The following SEMA6D variants were observed in gnomAD, a reference collection of about 807,000 sequenced individuals.
SEMA6D encodes semaphorin-6D.
In SEMA6D, 35 loss-of-function variants were observed where a neutral mutation model predicts 106.6. That is an observed-to-expected ratio of 0.33 (90% CI 0.25 to 0.44). The LOEUF is 0.44. SEMA6D is among the 20% of genes least tolerant of loss of function. The pLI is 1.00. For synonymous variants in SEMA6D, 499 were observed against 487.7 expected, an observed-to-expected ratio of 1.02 and a Z score of -0.31; for missense variants, 1,185 against 1,345.9, an observed-to-expected ratio of 0.88 and a Z score of 1.87.
chr15:47,290,483 TG>T (rs1195981639), intron 1 of SEMA6D, among the ~76,000 whole-genome samples: 1 of 152,150 alleles, frequency 6.6e-6, no homozygotes, highest in African/African-American at 2.4e-5. Flanking sequence ...GAAACAGACA[TG>T]TTTTTTAATA....
At chr15:47,546,367 C>G (rs546897415) in intron 3 of SEMA6D, among the ~76,000 whole-genome samples, 1 of 152,210 alleles carries the variant, frequency 6.6e-6, no homozygotes, top group East Asian at 1.9e-4. Flanking sequence ...CACTGGGACT[C>G]TAATTTAAAT....
chr15:47,380,737 T>C (rs1327881851), intron 1 of SEMA6D: 1 of 152,252 alleles, frequency 6.6e-6, no homozygotes, highest in African/African-American at 2.4e-5. Context: ...ACATGTGGAA[T>C]GTCTCATTAC....
chr15:47,684,755 G>T (rs942548020), intron 4 of SEMA6D, among the ~76,000 whole-genome samples: 1 of 152,140 alleles, frequency 6.6e-6, no homozygotes, highest in East Asian at 1.9e-4. Flanking sequence ...TTAAAAATGT[G>T]TGTGAATTGG....
intron 2 of SEMA6D, among the ~76,000 whole-genome samples, chr15:47,459,875 A>G: frequency 6.6e-6 from 1 of 151,992 alleles, no homozygotes; most frequent in Non-Finnish European, 1.5e-5. Context: ...AATATACTGT[A>G]TTTGGTTCTT....
intron 3 of SEMA6D, among the ~76,000 whole-genome samples, chr15:47,594,155 T>C (rs2076494686): frequency 6.6e-6 from 1 of 152,200 alleles, no homozygotes; most frequent in African/African-American, 2.4e-5. Context: ...TGAAAGATAA[T>C]ATTTGTTTCT....
At chr15:47,189,111 T>C (rs564863538) in intron 1 of SEMA6D, among the ~76,000 whole-genome samples, 1 of 152,298 alleles carries the variant, frequency 6.6e-6, no homozygotes, top group East Asian at 1.9e-4. Flanking sequence ...GAAAAAGTTA[T>C]TGTGATTCCA....
At chr15:47,425,679 T>G (rs912503598) in intron 2 of SEMA6D, among the ~76,000 whole-genome samples, 1 of 151,786 alleles carries the variant, frequency 6.6e-6, no homozygotes, top group Non-Finnish European at 1.5e-5. Context: ...TTTCTTTTTT[T>G]TTTTTTTTTG....
rs369035331 is a variant in SEMA6D, at chr15:47,243,612, G to A, written c.-239+59194G>A. Among the ~76,000 whole-genome samples, 302 of 152,200 alleles carry A rather than the reference G, an allele frequency of 2.0e-3. 2 individuals carry two copies. The highest frequency in any genetic ancestry group is 6.9e-3 in the African/African-American group (286 of 41,572). On this transcript the variant is annotated intron_variant, in intron 1 of 19. Transcript: ENST00000558014. Reference sequence around the variant, plus strand: ...GGATTTAAGACATACCAGGAAATAAGAAAAAGTGGCAGAAAGTGTTTTTAC... The same window carrying A: ...GGATTTAAGACATACCAGGAAATAAAAAAAAGTGGCAGAAAGTGTTTTTAC...
At chr15:47,484,341 T>C (rs999674136) in intron 3 of SEMA6D, among the ~76,000 whole-genome samples, 1 of 152,120 alleles carries the variant, frequency 6.6e-6, no homozygotes, top group Admixed American at 6.6e-5. Flanking sequence ...CCATTAAATA[T>C]CCCTGCCTCA....
chr15:47,239,816 T>G (rs2032792496), intron 1 of SEMA6D, among the ~76,000 whole-genome samples: 1 of 152,192 alleles, frequency 6.6e-6, no homozygotes, highest in South Asian at 2.1e-4. Flanking sequence ...ACGAGTAGTA[T>G]GTGATCAAGG....
At chr15:47,289,047 T>C (rs568613612) in intron 1 of SEMA6D, among the ~76,000 whole-genome samples, 3 of 152,162 alleles carry the variant, frequency 2.0e-5, no homozygotes, top group African/African-American at 7.2e-5. Flanking sequence ...AAGGTGAAGA[T>C]TAAATGAGAC....
chr15:47,399,421 T>G (rs1271330578), intron 1 of SEMA6D: 1 of 152,250 alleles, frequency 6.6e-6, no homozygotes, highest in African/African-American at 2.4e-5. Flanking sequence ...CAGGGCTTGA[T>G]AAGTGTACAT....
chr15:47,449,451 A>G (rs1265898756), intron 2 of SEMA6D, among the ~76,000 whole-genome samples: 1 of 152,086 alleles, frequency 6.6e-6, no homozygotes, highest in Non-Finnish European at 1.5e-5. Flanking sequence ...GGCTATCTGC[A>G]TCTGAAGGCA....
intron 1 of SEMA6D, among the ~76,000 whole-genome samples, chr15:47,751,876 TA>T (rs2081457677): frequency 6.6e-6 from 1 of 152,062 alleles, no homozygotes; most frequent in Non-Finnish European, 1.5e-5. Context: ...CCCTATTTTC[TA>T]AAAAATTAGG....
chr15:47,343,759 TG>T (rs2037928217), intron 1 of SEMA6D, among the ~76,000 whole-genome samples: 1 of 152,196 alleles, frequency 6.6e-6, no homozygotes, highest in South Asian at 2.1e-4. Context: ...TATAATCCTT[TG>T]GGTATATACC....
intron 1 of SEMA6D, among the ~76,000 whole-genome samples, chr15:47,729,197 G>A (rs1379460478): frequency 6.6e-6 from 1 of 152,216 alleles, no homozygotes; most frequent in African/African-American, 2.4e-5. Context: ...AATGTGAGTG[G>A]TGAGAAAAGC....
chr15:47,703,388 TA>T (rs1275637518), intron 4 of SEMA6D, among the ~76,000 whole-genome samples: 1 of 152,224 alleles, frequency 6.6e-6, no homozygotes, highest in Non-Finnish European at 1.5e-5. Flanking sequence ...TATTTAAATA[TA>T]AAGGTGCACA....
At chr15:47,226,103 AAG>A (rs2031647004) in intron 1 of SEMA6D, among the ~76,000 whole-genome samples, 1 of 152,072 alleles carries the variant, frequency 6.6e-6, no homozygotes, top group East Asian at 1.9e-4. Flanking sequence ...ATCTTTATAA[AAG>A]AAGACAATTT....
chr15:47,368,716 C>A (rs1328194318), intron 1 of SEMA6D, among the ~76,000 whole-genome samples: 1 of 152,212 alleles, frequency 6.6e-6, no homozygotes, highest in Non-Finnish European at 1.5e-5. Context: ...CCAGACCCTA[C>A]AATTTCCATT....
Sources: allele counts gnomAD v4.1 joint callset (sites outside exome capture counted in the v4.1 genomes callset), GRCh38; gene constraint gnomAD v4.1.1; transcripts MANE v1.5; gene names NCBI Gene and HGNC (gene_info 2026-07-23, HGNC 2026-07-21).